Variants in XPR1 observed in about 807,000 individuals in gnomAD.
XPR1 encodes solute carrier family 53 member 1.
XPR1 carries 28 observed loss-of-function variants against 87.5 expected under a neutral mutation model. The observed-to-expected ratio is 0.32, with a 90% CI of 0.24 to 0.44. The LOEUF (loss-of-function observed/expected upper bound fraction) is 0.44. Ranked by LOEUF, XPR1 falls within the 20% of genes least tolerant of loss-of-function variation. The probability of loss-of-function intolerance (pLI) is 1.00; values close to 1 mark genes in which losing one functional copy is unlikely to be tolerated. For missense variants in XPR1, 559 were observed against 862.3 expected, an observed-to-expected ratio of 0.65 and a Z score of 4.41; for synonymous variants, 300 against 306.1, an observed-to-expected ratio of 0.98 and a Z score of 0.21.
intron 1 of XPR1, among the ~76,000 whole-genome samples, chr1:180,675,741 G>A (rs190247013): frequency 3.3e-5 from 5 of 152,200 alleles, no homozygotes; most frequent in African/African-American, 1.2e-4. Context: ...TTGTTGTTTT[G>A]TGACTTGGAT....
intron 2 of XPR1, among the ~76,000 whole-genome samples, chr1:180,725,066 G>A (rs1289856897): frequency 6.6e-6 from 1 of 152,110 alleles, no homozygotes; most frequent in African/African-American, 2.4e-5. Flanking sequence ...GTCTATAGGT[G>A]GTACTGAGTA....
intron 2 of XPR1, among the ~76,000 whole-genome samples, chr1:180,770,186 C>G (rs377035157): frequency 4.4e-4 from 67 of 152,206 alleles, no homozygotes; most frequent in African/African-American, 1.5e-3. Context: ...ATTTCCCTTT[C>G]TTTCAGTTAC....
intron 2 of XPR1, among the ~76,000 whole-genome samples, chr1:180,784,020 A>T (rs1485714490): frequency 6.6e-6 from 1 of 151,966 alleles, no homozygotes; most frequent in African/African-American, 2.4e-5. Context: ...ATGCTGTTGC[A>T]TTCCAGCCTG....
chr1:180,637,139 A>T (rs1654809807), intron 1 of XPR1, among the ~76,000 whole-genome samples: 2 of 152,070 alleles, frequency 1.3e-5, no homozygotes, highest in Non-Finnish European at 2.9e-5. Context: ...GAAGAAATAC[A>T]ATTTTACTAG....
chr1:180,774,384 CTTTTTTTTTTTTTT>C (rs71121051), intron 2 of XPR1, among the ~76,000 whole-genome samples: 7 of 68,900 alleles, frequency 1.0e-4, no homozygotes, highest in African/African-American at 3.5e-4. Context: ...TCTTTCCTAT[CTTTTTTTTTTTTTT>C]TTTTTTTTTG....
chr1:180,863,673 ATTTTCTC>A, intron 11 of XPR1, 28 bp from the exon 12 acceptor site: 8 of 1,512,254 alleles, frequency 5.3e-6, no homozygotes, highest in Non-Finnish European at 7.0e-6. Context: ...AAATGTAGTA[ATTTTCTC>A]TTTTCTCTTT....
chr1:180,634,516 T>C (rs907366628), intron 1 of XPR1, among the ~76,000 whole-genome samples: 14 of 152,248 alleles, frequency 9.2e-5, no homozygotes, highest in African/African-American at 3.4e-4. Flanking sequence ...TTTAAAACTT[T>C]GGGGAAAAAG....
rs553653167 is a variant in XPR1, at chr1:180,761,342, A to C, written c.122-26411A>C. 3.4e-3 allele frequency among the ~76,000 whole-genome samples: 518 copies of C among 152,294 alleles called. 6 individuals are homozygous for C. The highest frequency in any genetic ancestry group is 0.012 in the African/African-American group (490 of 41,542). On this transcript the variant is annotated intron_variant, in intron 2 of 14. Transcript: ENST00000367590. ...ATCAGAGTGAACAGGCAACCTACAA[A>C]GTGGGAGAAAATTTTCGCAACCTAC...
At chr1:180,740,543 ATTG>A (rs1251259462) in intron 2 of XPR1, among the ~76,000 whole-genome samples, 2 of 151,808 alleles carry the variant, frequency 1.3e-5, no homozygotes, top group African/African-American at 4.8e-5. Flanking sequence ...CTTTTTACAT[ATTG>A]TTGGATTCAG....
chr1:180,653,192 G>A (rs1419945792), intron 1 of XPR1, among the ~76,000 whole-genome samples: 2 of 152,134 alleles, frequency 1.3e-5, no homozygotes, highest in African/African-American at 4.8e-5. Context: ...TATTCTGATT[G>A]TACAGATACA....
intron 7 of XPR1, among the ~76,000 whole-genome samples, chr1:180,820,018 T>C (rs1016018686): frequency 5.4e-5 from 8 of 147,926 alleles, no homozygotes; most frequent in Non-Finnish European, 1.0e-4. Flanking sequence ...AGACTCTGTC[T>C]CAAAAAAAAA....
At chr1:180,794,608 A>C (rs1649503266) in intron 3 of XPR1, among the ~76,000 whole-genome samples, 1 of 152,230 alleles carries the variant, frequency 6.6e-6, no homozygotes, top group Admixed American at 6.5e-5. Context: ...TTGGAGGAAG[A>C]AAGTGGGATT....
intron 2 of XPR1, among the ~76,000 whole-genome samples, chr1:180,721,710 C>T (rs1658184935): frequency 6.6e-6 from 1 of 152,200 alleles, no homozygotes; most frequent in South Asian, 2.1e-4. Flanking sequence ...ACCAACCTCC[C>T]ATTTTACTCT....
chr1:180,873,035 T>C (rs1160834562), intron 12 of XPR1, among the ~76,000 whole-genome samples: 1 of 152,092 alleles, frequency 6.6e-6, no homozygotes, highest in Non-Finnish European at 1.5e-5. Flanking sequence ...AAAATAAATA[T>C]TATGGCTTAA....
intron 1 of XPR1, among the ~76,000 whole-genome samples, chr1:180,666,648 A>G (rs978733515): frequency 6.6e-6 from 1 of 152,180 alleles, no homozygotes; most frequent in Non-Finnish European, 1.5e-5. Context: ...TGATTTTTGC[A>G]TGTTGACTTC....
intron 2 of XPR1, among the ~76,000 whole-genome samples, chr1:180,696,127 G>A (rs1022692881): frequency 4.1e-5 from 6 of 147,758 alleles, no homozygotes; most frequent in East Asian, 2.0e-4. Context: ...AGTTCTCATC[G>A]TAGAGGCCTT....
At chr1:180,778,642 A>G (rs572830452) in intron 2 of XPR1, among the ~76,000 whole-genome samples, 33 of 152,268 alleles carry the variant, frequency 2.2e-4, no homozygotes, top group African/African-American at 7.5e-4. Context: ...GACAACCACA[A>G]GTATCTCCAG....
rs73034836 is a variant in XPR1 at position 180,714,478 on chromosome 1, C to T, written c.121+32067C>T. Among the ~76,000 whole-genome samples, 464 of 151,564 alleles carry T rather than the reference C, an allele frequency of 3.1e-3. 6 individuals carry two copies. Among genetic ancestry groups the T allele is most frequent in the African/African-American group, 0.01 (428 of 41,278 alleles). On this transcript the variant is annotated intron_variant, in intron 2 of 14. Coordinates refer to ENST00000367590, the MANE Select transcript of XPR1 (RefSeq NM_004736.4). ...GGAGTGCGGTGGCACAATCATAGCA[C>T]GCTGTAACCTCAACCTCCTGGGCTC...
chr1:180,883,978 TG>T, intron 14 of XPR1, 27 bp from the exon 15 acceptor site: 1 of 1,607,214 alleles, frequency 6.2e-7, no homozygotes, highest in Non-Finnish European at 8.5e-7. Context: ...ATGGACTAAG[TG>T]CTTTTTGTCC....
Sources: gnomAD v4.1 joint callset for allele counts (sites outside exome capture counted in the v4.1 genomes callset) on GRCh38, gnomAD v4.1.1 for gene constraint, MANE v1.5 for transcripts, NCBI Gene and HGNC (gene_info 2026-07-23, HGNC 2026-07-21) for gene names.